The following ZC3H3 variants were observed in gnomAD, a reference collection of about 807,000 sequenced individuals.
The protein encoded by ZC3H3 is zinc finger CCCH domain-containing protein 3.
ZC3H3 carries 36 observed loss-of-function variants against 77.3 expected under a neutral mutation model. The observed-to-expected ratio is 0.47, with a 90% CI of 0.36 to 0.61. The LOEUF (loss-of-function observed/expected upper bound fraction) is 0.61. Ranked by LOEUF, ZC3H3 falls within the 20% of genes least tolerant of loss-of-function variation. The pLI, the probability that ZC3H3 is intolerant of heterozygous loss-of-function variation, is 0.00. For synonymous variants in ZC3H3, 626 were observed against 555.2 expected, an observed-to-expected ratio of 1.13 and a Z score of -1.79; for missense variants, 1,331 against 1,312.2, an observed-to-expected ratio of 1.01 and a Z score of -0.22.
At chr8:143,515,619 A>C (rs1454019111) in intron 3 of ZC3H3, among the ~76,000 whole-genome samples, 49 of 152,146 alleles carry the variant, frequency 3.2e-4, no homozygotes, top group Admixed American at 3.1e-3. Context: ...CACGAGAAGG[A>C]AGGCACCTCT....
At chr8:143,438,160 T>A in intron 11 of ZC3H3, 73 bp from the exon 12 acceptor site, 1 of 1,552,912 alleles carries the variant, frequency 6.4e-7, no homozygotes, top group Non-Finnish European at 8.7e-7. Flanking sequence ...AAGCTCCTGA[T>A]CGGGCTCAGG....
intron 5 of ZC3H3, among the ~76,000 whole-genome samples, chr8:143,474,862 C>T (rs545478838): frequency 7.2e-5 from 11 of 152,372 alleles, no homozygotes; most frequent in Middle Eastern, 3.4e-3. Context: ...AAGGTGGCGG[C>T]GCCGGCTGCC....
intron 3 of ZC3H3, among the ~76,000 whole-genome samples, chr8:143,521,927 G>T (rs1320825058): frequency 6.6e-6 from 1 of 152,216 alleles, no homozygotes; most frequent in Non-Finnish European, 1.5e-5. Context: ...AGCATCAGTG[G>T]GCACGGCTGC....
At chr8:143,521,984 C>T (rs1054906327) in intron 3 of ZC3H3, among the ~76,000 whole-genome samples, 3 of 152,178 alleles carry the variant, frequency 2.0e-5, no homozygotes, top group African/African-American at 7.2e-5. Flanking sequence ...CCGCAAAGTG[C>T]CCTCTATGGA....
intron 4 of ZC3H3, among the ~76,000 whole-genome samples, chr8:143,507,044 C>CTAT (rs1431848708): frequency 4.6e-5 from 7 of 152,228 alleles, no homozygotes; most frequent in African/African-American, 4.8e-5. Flanking sequence ...CCTGCCAGAG[C>CTAT]TATTACCCTC....
chr8:143,514,641 C>T (rs529431187), intron 3 of ZC3H3, among the ~76,000 whole-genome samples: 4 of 152,342 alleles, frequency 2.6e-5, no homozygotes, highest in East Asian at 3.9e-4. Context: ...ACCCTGCTCT[C>T]GCGCCCCCTC....
chr8:143,489,472 G>A lies in ZC3H3; in HGVS notation c.1716-13887C>T, dbSNP rs896973981. ...GGGCCACGGAGCCCCGCCCACCACC[G>A]CCTGGCCCCGCCCACCGCCCTGGCC... On this transcript the variant is annotated intron_variant, in intron 4 of 11. Coordinates refer to ENST00000262577, the MANE Select transcript of ZC3H3 (RefSeq NM_015117.3). Among the ~76,000 whole-genome samples, 8 of 152,088 alleles carry A rather than the reference G, an allele frequency of 5.3e-5. No individual in the cohort carries two copies. The South Asian group carries it at 8.3e-4, about 16-fold the overall frequency.
intron 9 of ZC3H3, among the ~76,000 whole-genome samples, chr8:143,441,743 C>T (rs1819747529): frequency 6.6e-6 from 1 of 152,162 alleles, no homozygotes. Context: ...CCCAAGGCCC[C>T]AGCGGCCCAG....
chr8:143,477,651 C>T (rs1421749645), intron 4 of ZC3H3, among the ~76,000 whole-genome samples: 3 of 152,194 alleles, frequency 2.0e-5, no homozygotes, highest in Non-Finnish European at 4.4e-5. Context: ...ACCCCATCAG[C>T]CTGGGGGGCT....
chr8:143,441,236 G>A (rs985902598), intron 9 of ZC3H3, 116 bp from the exon 10 acceptor site: 13 of 1,123,406 alleles, frequency 1.2e-5, no homozygotes, highest in South Asian at 2.3e-5. Context: ...CATAGGCTCC[G>A]TCCAAGTCTT....
At chr8:143,498,912 C>T (rs1202744138) in intron 4 of ZC3H3, among the ~76,000 whole-genome samples, 3 of 79,162 alleles carry the variant, frequency 3.8e-5, no homozygotes, top group African/African-American at 5.6e-5. Context: ...CGGAGGGGCA[C>T]AGGACGGGGC....
rs1230602676 is a variant in ZC3H3 at position 143,493,545 on chromosome 8, G to A, written c.1715+14201C>T. ...GCTCAGCCCTGCTGCCATGGGCACT[G>A]CCAAGGACTCCACTCACAAAGCCGA... On this transcript the variant is annotated intron_variant, in intron 4 of 11. Coordinates refer to ENST00000262577, the MANE Select transcript of ZC3H3 (RefSeq NM_015117.3). This position sits in a 1 kb window ranked among gnomAD's most constrained non-coding sequence, Gnocchi z 4.8. 2.0e-5 allele frequency among the ~76,000 whole-genome samples: 3 copies of A among 152,228 alleles called. No homozygotes were observed. The highest frequency in any genetic ancestry group is 2.1e-4 in the South Asian group (1 of 4,836).
chr8:143,540,928 C>T (rs1380333997), intron 1 of ZC3H3, among the ~76,000 whole-genome samples: 1 of 151,600 alleles, frequency 6.6e-6, no homozygotes, highest in Non-Finnish European at 1.5e-5. Context: ...CGCACCCCAG[C>T]CTGGGTGACA....
chr8:143,456,844 G>A (rs1366248216), intron 9 of ZC3H3, among the ~76,000 whole-genome samples: 1 of 151,978 alleles, frequency 6.6e-6, no homozygotes, highest in Non-Finnish European at 1.5e-5. Flanking sequence ...CTACAGCCTG[G>A]GCAACAAAGC....
chr8:143,438,202 A>T, intron 11 of ZC3H3, 115 bp from the exon 12 acceptor site: 1 of 1,348,696 alleles, frequency 7.4e-7, no homozygotes. Flanking sequence ...AAGCACACAC[A>T]GCAAGGTCTG....
intron 3 of ZC3H3, chr8:143,523,621 C>G (rs1822320329): frequency 1.2e-6 from 1 of 844,824 alleles, no homozygotes; most frequent in Non-Finnish European, 1.4e-6. Context: ...GACCCCTGTC[C>G]TCATCCAGCT....
rs756277953 is a variant in ZC3H3 at position 143,538,484 on chromosome 8, C to A, written c.883G>T (p.Ala295Ser). The A allele has an allele frequency of 6.2e-7, 1 of 1,612,954 alleles. No individual in the cohort carries two copies. The highest frequency in any genetic ancestry group is 1.1e-5 in the South Asian group (1 of 91,088). ...GTTCGACAGGTCACAACCAGCGAGGCCTCCCGGGCCTGCCTGGGTCCTGAG... is the reference window on the plus strand; with the variant it reads ...GTTCGACAGGTCACAACCAGCGAGGACTCCCGGGCCTGCCTGGGTCCTGAG... ...PASGPRQARE[A>S]SLVVTCRTNK... Residue 295 changes from alanine to serine, a missense_variant, in exon 2 of 12, where the codon GCC (alanine) becomes TCC (serine). Around this residue, in one of 3 missense-constraint regions of ZC3H3, gnomAD observed 978 missense variants for 915.5 expected, o/e 1.07. Transcript: ENST00000262577.
At chr8:143,480,098 G>T (rs1283697908) in intron 4 of ZC3H3, among the ~76,000 whole-genome samples, 1 of 152,222 alleles carries the variant, frequency 6.6e-6, no homozygotes, top group Non-Finnish European at 1.5e-5. Context: ...AGCAACAGTG[G>T]GGGCCGGGCG....
chr8:143,501,797 G>T (rs1167918147), intron 4 of ZC3H3, among the ~76,000 whole-genome samples: 1 of 152,218 alleles, frequency 6.6e-6, no homozygotes, highest in Non-Finnish European at 1.5e-5. Context: ...CGGCCCCGGG[G>T]CGCGGGTGTT....
Sources: gnomAD v4.1 joint callset for allele counts (sites outside exome capture counted in the v4.1 genomes callset) on GRCh38, gnomAD v4.1.1 for gene constraint, gnomAD v4.1.1 regional missense constraint, Gnocchi (gnomAD v3.1) non-coding constraint, MANE v1.5 for transcripts, NCBI Gene and HGNC (gene_info 2026-07-23, HGNC 2026-07-21) for gene names.